CLSTN1: variants seen among roughly 807,000 people sequenced by gnomAD.
CLSTN1 encodes the protein calsyntenin-1.
In CLSTN1, 28 loss-of-function variants were observed where a neutral mutation model predicts 108.3. The ratio of observed to expected loss-of-function variants is 0.26; its 90% CI spans 0.19 to 0.35. The LOEUF (loss-of-function observed/expected upper bound fraction) is 0.35, where lower values mean the gene tolerates loss of function less well. Among genes scored for constraint, CLSTN1 ranks in the 10% least tolerant of loss-of-function variants. CLSTN1 has a pLI of 1.00. For missense variants in CLSTN1, 1,157 were observed against 1,302.6 expected (o/e 0.89, Z 1.72); for synonymous variants, 524 against 534.9 (o/e 0.98, Z 0.28).
At chr1:9,731,184 G>A (rs751185636) in intron 18 of CLSTN1, 22 bp downstream of exon 18, 4 of 1,613,914 alleles carry the variant, frequency 2.5e-6, no homozygotes, top group Admixed American at 3.3e-5. Flanking sequence ...CTCAGTCCTG[G>A]AGGTCGCCCG....
intron 1 of CLSTN1, among the ~76,000 whole-genome samples, chr1:9,802,564 G>T (rs1330439919): frequency 6.6e-6 from 1 of 152,142 alleles, no homozygotes; most frequent in Non-Finnish European, 1.5e-5. Context: ...AACTGTACAT[G>T]AGAGAGGTAC....
At chr1:9,752,610 C>G (rs1651606058) in intron 4 of CLSTN1, among the ~76,000 whole-genome samples, 2 of 152,088 alleles carry the variant, frequency 1.3e-5, no homozygotes, top group South Asian at 4.1e-4. Context: ...TCACACCTAT[C>G]CCAGCACTTT....
At chr1:9,784,766 A>G (rs1653404395) in intron 1 of CLSTN1, among the ~76,000 whole-genome samples, 1 of 152,160 alleles carries the variant, frequency 6.6e-6, no homozygotes, top group Non-Finnish European at 1.5e-5. Context: ...CCAAGTTCTC[A>G]GGCTTTGATT....
intron 2 of CLSTN1, among the ~76,000 whole-genome samples, chr1:9,770,507 G>A (rs1018633697): frequency 6.6e-6 from 1 of 152,190 alleles, no homozygotes; most frequent in African/African-American, 2.4e-5. Context: ...GCCTGGGCTG[G>A]AGCCCTGCCT....
At chr1:9,741,061 C>A in intron 10 of CLSTN1, 33 bp downstream of exon 10, 1 of 1,601,490 alleles carries the variant, frequency 6.2e-7, no homozygotes, top group South Asian at 1.1e-5. Flanking sequence ...CAACTTAATT[C>A]TCGAGTCGAG....
At position 9,795,441 on chromosome 1, in the gene CLSTN1, T is replaced by C. The variant is rs182989546; in HGVS notation, c.92-22047A>G. On this transcript the variant is annotated intron_variant, in intron 1 of 18. Transcript: ENST00000377298. ...TCAGCCTCCCAAAGTGCTGGGATTA[T>C]AGGCATAAGCCACCGTGCCCGGCCA... 9.4e-3 allele frequency among the ~76,000 whole-genome samples: 1,427 copies of C among 151,298 alleles called. 47 individuals are homozygous for C. Among genetic ancestry groups the C allele is most frequent in the East Asian group, 0.047 (234 of 5,020 alleles).
At chr1:9,766,844 T>G (rs1477443697) in intron 2 of CLSTN1, among the ~76,000 whole-genome samples, 4 of 152,226 alleles carry the variant, frequency 2.6e-5, no homozygotes, top group African/African-American at 9.6e-5. Flanking sequence ...CGGGCGAGAC[T>G]GGATCTTCAT....
chr1:9,819,723 C>T (rs1249864007), intron 1 of CLSTN1, among the ~76,000 whole-genome samples: 1 of 152,040 alleles, frequency 6.6e-6, no homozygotes, highest in Non-Finnish European at 1.5e-5. Flanking sequence ...CAAAATTGTT[C>T]GTATTTTATT....
chr1:9,805,152 A>ATTT (rs1654453461), intron 1 of CLSTN1, among the ~76,000 whole-genome samples: 1 of 152,178 alleles, frequency 6.6e-6, no homozygotes, highest in Non-Finnish European at 1.5e-5. Flanking sequence ...GCAAGGGGCA[A>ATTT]TGTAAACTAT....
In CLSTN1 at chr1:9,730,474, C is replaced by T. The variant is rs745409451; in HGVS notation, c.*34G>A. On this transcript the variant is annotated 3_prime_UTR_variant, in exon 19 of 19. Coordinates refer to ENST00000377298, the MANE Select transcript of CLSTN1 (RefSeq NM_001009566.3). The surrounding 1 kb of genome is among the most constrained non-coding windows in gnomAD (Gnocchi z 5.6). ...GGAGAACGGATGGCAGCAGAGTCTT[C>T]GAAAGCAGAAACCGAGGTGGCCGGG... 65 of 1,586,324 alleles carry T rather than the reference C, an allele frequency of 4.1e-5. No individual in the cohort carries two copies. The South Asian group carries it at 5.2e-4, about 13-fold the overall frequency.
At chr1:9,779,855 C>CTTTCTTTTTTT (rs1553180343) in intron 1 of CLSTN1, among the ~76,000 whole-genome samples, 21 of 146,696 alleles carry the variant, frequency 1.4e-4, no homozygotes, top group African/African-American at 5.0e-4. Context: ...CTTTCACTTT[C>CTTTCTTTTTTT]TTTTTTTTTT....
At chr1:9,760,673 C>A (rs1401896183) in intron 2 of CLSTN1, among the ~76,000 whole-genome samples, 1 of 150,826 alleles carries the variant, frequency 6.6e-6, no homozygotes, top group African/African-American at 2.5e-5. Context: ...GTGCATGCCA[C>A]CCATTCCCGG....
chr1:9,765,137 T>A (rs1240922809), intron 2 of CLSTN1, among the ~76,000 whole-genome samples: 1 of 152,168 alleles, frequency 6.6e-6, no homozygotes, highest in Non-Finnish European at 1.5e-5. Context: ...AGGCCTGTAA[T>A]CCCAGCACTT....
chr1:9,733,838 A>T (rs568849409), intron 15 of CLSTN1, 134 bp downstream of exon 15: 2 of 927,192 alleles, frequency 2.2e-6, no homozygotes, highest in South Asian at 3.2e-5. Flanking sequence ...CAATGATCCC[A>T]GCGAACGTGC....
chr1:9,776,374 G>A (rs985966973), intron 1 of CLSTN1, among the ~76,000 whole-genome samples: 5 of 152,094 alleles, frequency 3.3e-5, no homozygotes, highest in East Asian at 1.9e-4. Context: ...CCCAGACCCC[G>A]GGGAGTTGTT....
chr1:9,792,367 G>C (rs1425555032), intron 1 of CLSTN1, among the ~76,000 whole-genome samples: 1 of 151,530 alleles, frequency 6.6e-6, no homozygotes, highest in Non-Finnish European at 1.5e-5. Flanking sequence ...TGATGTGGCA[G>C]CCTCTCCAGC....
rs549690733 is a variant in CLSTN1, at chr1:9,751,731, G to A, written c.441-50C>T. The A allele has an allele frequency of 5.7e-5, 86 of 1,509,612 alleles. 2 individuals carry two copies. In the South Asian group the frequency reaches 9.0e-4, roughly 16 times the overall value. The allele number at this position is 1,509,612 out of a possible 1,614,324, so 93.5% of individuals were successfully genotyped here. A position where few individuals can be genotyped will look rare whatever the true frequency, so the allele number is the denominator to read the frequency against. On this transcript the variant is annotated intron_variant, in intron 4 of 18. Transcript: ENST00000377298. ...ATTTTTCTGCTTGTTTTCAGTGTGAGAGAGAGACAGAGAGTGTGTATGTGT... is the reference window on the plus strand; with the variant it reads ...ATTTTTCTGCTTGTTTTCAGTGTGAAAGAGAGACAGAGAGTGTGTATGTGT...
intron 1 of CLSTN1, among the ~76,000 whole-genome samples, chr1:9,807,892 G>C (rs941525208): frequency 7.2e-5 from 11 of 152,202 alleles, no homozygotes; most frequent in Non-Finnish European, 1.6e-4. Context: ...CAGGAACTAG[G>C]CTTCTGCCTC....
chr1:9,767,666 C>T (rs113869316), intron 2 of CLSTN1, among the ~76,000 whole-genome samples: 1 of 152,148 alleles, frequency 6.6e-6, no homozygotes, highest in Admixed American at 6.6e-5. Flanking sequence ...CATCACCACC[C>T]TCCTCCTCAA....
Sources: gnomAD v4.1 joint callset for allele counts (sites outside exome capture counted in the v4.1 genomes callset) on GRCh38, gnomAD v4.1.1 for gene constraint, Gnocchi (gnomAD v3.1) non-coding constraint, MANE v1.5 for transcripts, NCBI Gene and HGNC (gene_info 2026-07-23, HGNC 2026-07-21) for gene names.